The following CLDN2 variants were observed in gnomAD, a reference collection of about 807,000 sequenced individuals.
CLDN2 encodes the protein claudin-2.
A neutral mutation model predicts 8.2 loss-of-function variants in CLDN2; 1 was observed. The ratio of observed to expected loss-of-function variants is 0.12; its 90% confidence interval spans 0.04 to 0.58. The LOEUF is 0.58. CLDN2 is among the 20% of genes least tolerant of loss of function. CLDN2 has a pLI of 0.90. For missense variants in CLDN2, 108 were observed against 172.9 expected (o/e 0.62, Z 2.11); for synonymous variants, 70 against 70.2 (o/e 1.00, Z 0.01).
rs749580916 is a variant in CLDN2 at position 106,901,059 on chromosome X, C to T, written c.-179+555C>T. 9.9e-4 allele frequency among the ~76,000 whole-genome samples: 111 copies of T among 112,426 alleles called. 2 individuals carry two copies. Among genetic ancestry groups the T allele is most frequent in the African/African-American group, 3.5e-3 (107 of 30,954 alleles). On this transcript the variant is annotated intron_variant, in intron 1 of 1. Transcript: ENST00000541806. ...GAAGAAAGAAAGTTTTGTAACAGAA[C>T]CTTCTGCATTGTTACAAAGTGGCCC...
upstream of CLDN2, among the ~76,000 whole-genome samples, chrX:106,920,081 T>C (rs1337715425): frequency 9.0e-6 from 1 of 111,476 alleles, no homozygotes; most frequent in African/African-American, 3.3e-5. Flanking sequence ...TTATGCAGCT[T>C]ACTCCCTGCT....
intron 1 of CLDN2, among the ~76,000 whole-genome samples, chrX:106,904,611 T>G (rs1193589532): frequency 8.9e-6 from 1 of 112,083 alleles, no homozygotes; most frequent in Non-Finnish European, 1.9e-5. Context: ...ATGACTAATT[T>G]AAGGGCTCCT....
In CLDN2 at chrX:106,901,992, T is replaced by G. The variant is rs141714274; in HGVS notation, c.-179+1488T>G. ...CCACAGAAAGCTTGGATCTGCTCTC[T>G]GTTGGAATCAAATGTTGGCAAAACT... On this transcript the variant is annotated intron_variant, in intron 1 of 1. Transcript: ENST00000541806. 503 of 476,523 alleles carry G rather than the reference T, an allele frequency of 1.1e-3. 3 individuals are homozygous for G. Among genetic ancestry groups the G allele is most frequent in the African/African-American group, 0.01 (422 of 41,588 alleles). The allele number at this position is 476,523 out of a possible 1,213,427, so 39.3% of individuals were successfully genotyped here.
chrX:106,921,828 C>A (rs747808455), intron 1 of CLDN2, among the ~76,000 whole-genome samples: 66 of 112,039 alleles, frequency 5.9e-4, no homozygotes, highest in African/African-American at 2.1e-3. Context: ...GGCCCTATGC[C>A]CAGAAGACAA....
intron 1 of CLDN2, among the ~76,000 whole-genome samples, chrX:106,906,319 A>G (rs1482251074): frequency 9.0e-6 from 1 of 111,204 alleles, no homozygotes; most frequent in Non-Finnish European, 1.9e-5. Flanking sequence ...CAGACAGGAA[A>G]GGAAAGTGCC....
intron 1 of CLDN2, among the ~76,000 whole-genome samples, chrX:106,927,432 T>C (rs780689205): frequency 3.6e-5 from 4 of 110,617 alleles, no homozygotes; most frequent in Non-Finnish European, 7.6e-5. Flanking sequence ...GGACAGGAAA[T>C]GTCTGGGCAT....
intron 1 of CLDN2, among the ~76,000 whole-genome samples, chrX:106,905,994 C>T (rs768591642): frequency 8.9e-6 from 1 of 112,169 alleles, no homozygotes; most frequent in East Asian, 2.8e-4. Context: ...TTGCCTCAGC[C>T]TCATTTAGCT....
chrX:106,918,996 C>T (rs1333664257), upstream of CLDN2, among the ~76,000 whole-genome samples: 1 of 112,197 alleles, frequency 8.9e-6, no homozygotes, highest in East Asian at 2.8e-4. Flanking sequence ...GTATTATGTG[C>T]AAAGATGCTG....
Position 106,929,548 on chromosome X carries a change from G to C in CLDN2, c.*627G>C, listed in dbSNP as rs1933517806. ...ACAGAAAGCAGGATGCAGGATGGGA[G>C]GACAGGAAGGCAGCCTGGGACATTT... is the stretch of plus-strand genomic sequence containing the variant. On this transcript the variant is annotated 3_prime_UTR_variant, in exon 2 of 2. Transcript: ENST00000336803. 1 of 122,518 alleles carries C rather than the reference G, an allele frequency of 8.2e-6. No homozygotes were observed. Among genetic ancestry groups the C allele is most frequent in the Admixed American group, 9.6e-5 (1 of 10,458 alleles). 10.1% of individuals were successfully genotyped at this position (122,518 alleles called of 1,213,427 possible).
intron 1 of CLDN2, chrX:106,902,298 C>G: frequency 2.3e-6 from 2 of 858,132 alleles, no homozygotes; most frequent in South Asian, 4.7e-5. Flanking sequence ...CTCCCAAAAG[C>G]TTGGCTCAGG....
intron 1 of CLDN2, among the ~76,000 whole-genome samples, chrX:106,903,773 A>T (rs910469163): frequency 6.2e-5 from 7 of 112,113 alleles, no homozygotes; most frequent in African/African-American, 2.3e-4. Context: ...TTGTTATTTC[A>T]GCTCAACCTC....
At chrX:106,900,888 C>T (rs373247473) in intron 1 of CLDN2, 41 of 1,208,615 alleles carry the variant, frequency 3.4e-5, no homozygotes, top group Middle Eastern at 2.3e-4. Context: ...GTCGAAGGAG[C>T]GGGATTTAGG....
rs746302840 is a variant in CLDN2, at chrX:106,928,489, C to A, written c.261C>A (p.Ser87=). The A allele has an allele frequency of 5.0e-6, 6 of 1,209,960 alleles. No individual in the cohort carries two copies. The Admixed American group carries it at 1.3e-4, about 26-fold the overall frequency. Residue 87 remains serine (S), a synonymous_variant, in exon 2 of 2, where the codon TCC becomes TCA. Coordinates refer to ENST00000336803, the MANE Select transcript of CLDN2 (RefSeq NM_020384.4). ...CTGCCCAGGCCATGATGGTGACATC[C>A]AGTGCAATCTCCTCCCTGGCCTGCA... ...IQAAQAMMVT[S]SAISSLACII...
chrX:106,909,193 T>A (rs1323116578), intron 1 of CLDN2, among the ~76,000 whole-genome samples: 1 of 112,402 alleles, frequency 8.9e-6, no homozygotes, highest in Non-Finnish European at 1.9e-5. Context: ...GCACTCTGCG[T>A]GAATTAATTC....
chrX:106,901,685 C>T (rs1933097726), intron 1 of CLDN2: 9 of 505,160 alleles, frequency 1.8e-5, no homozygotes, highest in Non-Finnish European at 3.0e-5. Flanking sequence ...ATACCCACCC[C>T]TCAACAAGGG....
upstream of CLDN2, among the ~76,000 whole-genome samples, chrX:106,917,506 G>A (rs1296149580): frequency 2.7e-5 from 3 of 111,383 alleles, no homozygotes; most frequent in African/African-American, 9.8e-5. Context: ...GGAACAGTGA[G>A]GGTGAAATGT....
At chrX:106,927,947 A>G (rs1602463074) in intron 1 of CLDN2, 104 bp from the exon 2 acceptor site, 3 of 185,243 alleles carry the variant, frequency 1.6e-5, no homozygotes, top group Non-Finnish European at 1.8e-5. Context: ...TTCCTTTCTC[A>G]TGTGTTATTT....
Position 106,928,935 on chromosome X carries a change from A to G in CLDN2, c.*14A>G. On this transcript the variant is annotated 3_prime_UTR_variant, in exon 2 of 2. Coordinates refer to ENST00000336803, the MANE Select transcript of CLDN2 (RefSeq NM_020384.4). ...GGGTATGTGTGAAGAACCAGGGGCCAGAGCTGGGGGGTGGCTGGGTCTGTG... is the reference window on the plus strand; with the variant it reads ...GGGTATGTGTGAAGAACCAGGGGCCGGAGCTGGGGGGTGGCTGGGTCTGTG... The G allele has an allele frequency of 8.4e-7, 1 of 1,192,634 alleles. No homozygotes were observed. The highest frequency in any genetic ancestry group is 1.1e-6 in the Non-Finnish European group (1 of 880,823).
At chrX:106,919,580 T>C (rs1410373007), upstream of CLDN2, among the ~76,000 whole-genome samples, 1 of 111,380 alleles carries the variant, frequency 9.0e-6, no homozygotes, top group Non-Finnish European at 1.9e-5. Context: ...GCCTCCTGGG[T>C]CCAAGTGATT....
Sources: gnomAD v4.1 joint callset for allele counts (sites outside exome capture counted in the v4.1 genomes callset) on GRCh38, gnomAD v4.1.1 for gene constraint, MANE v1.5 for transcripts, NCBI Gene and HGNC (gene_info 2026-07-23, HGNC 2026-07-21) for gene names.